Variants in NPAS3 observed in about 807,000 individuals in gnomAD.
The protein encoded by NPAS3 is neuronal PAS domain protein 3, also known as neuronal PAS domain-containing protein 3.
Under a neutral mutation model 73.1 loss-of-function variants are expected in NPAS3, and 14 were observed. The observed-to-expected ratio is 0.19, with a 90% CI of 0.13 to 0.30. The LOEUF (loss-of-function observed/expected upper bound fraction) is 0.30, where lower values mean the gene tolerates loss of function less well. NPAS3 is among the 10% of genes least tolerant of loss of function. The pLI is 1.00. For synonymous variants in NPAS3, 620 were observed against 541.5 expected, an observed-to-expected ratio of 1.14 and a Z score of -2.01; for missense variants, 1,096 against 1,250.0, an observed-to-expected ratio of 0.88 and a Z score of 1.86.
chr14:33,514,456 T>C (rs751236659), intron 4 of NPAS3, among the ~76,000 whole-genome samples: 2 of 152,020 alleles, frequency 1.3e-5, no homozygotes, highest in African/African-American at 2.4e-5. Flanking sequence ...ACCAAGACGA[T>C]TGTGATGCCC....
At position 33,054,813 on chromosome 14, in the gene NPAS3, C is replaced by T. The variant is rs544850739; in HGVS notation, c.51-1092C>T. On this transcript the variant is annotated intron_variant, in intron 1 of 11. Coordinates refer to ENST00000356141, the Ensembl canonical transcript of NPAS3. ...ATTTTTAGTAGAGATGGGGTTTCAC[C>T]GTGTTAGCCAGGATGGTCTTGATCT... is the stretch of plus-strand genomic sequence containing the variant. Among the ~76,000 whole-genome samples, 15 of 152,100 alleles carry T rather than the reference C, an allele frequency of 9.9e-5. No individual in the cohort carries two copies. In the South Asian group the frequency reaches 2.7e-3, roughly 27 times the overall value.
At chr14:33,584,412 A>G (rs576784930) in intron 5 of NPAS3, among the ~76,000 whole-genome samples, 33 of 150,272 alleles carry the variant, frequency 2.2e-4, no homozygotes, top group South Asian at 1.0e-3. Context: ...AAAAAAAAAA[A>G]GGGGGATCAA....
At chr14:33,179,519 TTTACAAATGAGGATA>T (rs1235846435) in intron 2 of NPAS3, among the ~76,000 whole-genome samples, 1 of 152,180 alleles carries the variant, frequency 6.6e-6, no homozygotes. Flanking sequence ...TTATCCTCAT[TTTACAAATGAGGATA>T]TGGAAGCTTA....
intron 4 of NPAS3, among the ~76,000 whole-genome samples, chr14:33,434,682 T>TA (rs1348313541): frequency 1.3e-5 from 2 of 152,330 alleles, no homozygotes; most frequent in African/African-American, 4.8e-5. Context: ...ACACTGTTTT[T>TA]AAAAAATGCT....
At chr14:33,249,554 T>G (rs1383947766) in intron 3 of NPAS3, among the ~76,000 whole-genome samples, 1 of 152,102 alleles carries the variant, frequency 6.6e-6, no homozygotes, top group African/African-American at 2.4e-5. Flanking sequence ...TATGCACCTC[T>G]ATTGTTTTGC....
At chr14:33,759,517 G>A (rs951404102) in intron 7 of NPAS3, among the ~76,000 whole-genome samples, 2 of 152,188 alleles carry the variant, frequency 1.3e-5, no homozygotes, top group East Asian at 1.9e-4. Flanking sequence ...ACAGTGCTAT[G>A]TATACTTTCA....
At chr14:33,286,544 T>C (rs2041881632) in intron 3 of NPAS3, among the ~76,000 whole-genome samples, 1 of 152,130 alleles carries the variant, frequency 6.6e-6, no homozygotes. Context: ...TGAATGCGGG[T>C]AGTTATCTCC....
chr14:33,533,348 AT>A (rs2054122825), intron 4 of NPAS3, among the ~76,000 whole-genome samples: 1 of 152,188 alleles, frequency 6.6e-6, no homozygotes, highest in African/African-American at 2.4e-5. Context: ...AAAGATACGA[AT>A]GGAAATGTCA....
rs151313509 is a variant in NPAS3, at chr14:32,958,765, C to T, written c.50+19399C>T. Among the ~76,000 whole-genome samples the T allele has an allele frequency of 8.1e-3, 1,235 of 152,228 alleles. 16 individuals are homozygous for T. The highest frequency in any genetic ancestry group is 0.028 in the African/African-American group (1,177 of 41,520). ...TACAATATTTAGCACATAGTACATGCTCAGTATATTATACATGAAATGAGT... is the reference window on the plus strand; with the variant it reads ...TACAATATTTAGCACATAGTACATGTTCAGTATATTATACATGAAATGAGT... On this transcript the variant is annotated intron_variant, in intron 1 of 11. Coordinates refer to ENST00000356141, the Ensembl canonical transcript of NPAS3.
rs186436872 is a variant in NPAS3, at chr14:33,555,082, T to C, written c.469-5039T>C. Among the ~76,000 whole-genome samples the C allele has an allele frequency of 9.8e-5, 15 of 152,300 alleles. 1 individual carries two copies. The highest frequency in any genetic ancestry group is 3.4e-4 in the African/African-American group (14 of 41,566). ...CCTCACTTCTTGCATGTGTACCTCA[T>C]AGACTTACTGGGATGTGACAAAGGA... On this transcript the variant is annotated intron_variant, in intron 4 of 11. Coordinates refer to ENST00000356141, the Ensembl canonical transcript of NPAS3.
chr14:33,041,010 T>C (rs879680591), intron 1 of NPAS3, among the ~76,000 whole-genome samples: 1 of 152,166 alleles, frequency 6.6e-6, no homozygotes, highest in Non-Finnish European at 1.5e-5. Context: ...TGCACTGTAC[T>C]ACGTGGCAGA....
chr14:33,507,711 C>G (rs8022191), intron 4 of NPAS3, among the ~76,000 whole-genome samples: 3,498 of 152,062 alleles, frequency 0.023, 119 homozygotes, highest in African/African-American at 0.079. Context: ...TTATCGAGTT[C>G]TGTTTGCAAA....
chr14:33,435,960 G>A (rs893887609), intron 4 of NPAS3, among the ~76,000 whole-genome samples: 1 of 152,160 alleles, frequency 6.6e-6, no homozygotes, highest in African/African-American at 2.4e-5. Flanking sequence ...TCCTAATAAA[G>A]GGCCACTGTG....
chr14:33,215,687 G>A (rs1298167594), intron 3 of NPAS3: 1 of 658,814 alleles, frequency 1.5e-6, no homozygotes, highest in African/African-American at 1.8e-5. Context: ...AAAATGAAAT[G>A]ACACATTAAA....
intron 6 of NPAS3, among the ~76,000 whole-genome samples, chr14:33,708,065 A>C (rs1276008680): frequency 1.3e-4 from 20 of 152,092 alleles, no homozygotes; most frequent in Admixed American, 1.3e-3. Flanking sequence ...CCACAAAAAA[A>C]AACACAAAAA....
intron 2 of NPAS3, among the ~76,000 whole-genome samples, chr14:33,178,502 T>G (rs995612601): frequency 2.0e-5 from 3 of 152,242 alleles, no homozygotes; most frequent in Admixed American, 1.3e-4. Context: ...TGAATTTGAC[T>G]TCTTTCAGCA....
At chr14:33,596,099 G>C (rs1467229646) in intron 5 of NPAS3, among the ~76,000 whole-genome samples, 1 of 152,210 alleles carries the variant, frequency 6.6e-6, no homozygotes, top group Non-Finnish European at 1.5e-5. Context: ...AAGTGTACGT[G>C]AAATCAACTG....
At position 33,501,630 on chromosome 14, in the gene NPAS3, GT is replaced by G. The variant is rs537009195; in HGVS notation, c.469-58477del. ...AGTCTCCCTTCTAGAATCTGGATTT[GT>G]TTTTTTTTTTTTTACCTTCAAAAAC... On this transcript the variant is annotated intron_variant, in intron 4 of 11. Transcript: ENST00000356141. Among the ~76,000 whole-genome samples, 395 of 138,408 alleles carry G rather than the reference GT, an allele frequency of 2.9e-3. 3 individuals carry two copies. Among genetic ancestry groups the G allele is most frequent in the African/African-American group, 4.1e-3 (156 of 37,780 alleles). The allele number at this position is 138,408 out of a possible 152,430, so 90.8% of individuals were successfully genotyped here.
At chr14:33,279,077 C>T (rs1007675432) in intron 3 of NPAS3, among the ~76,000 whole-genome samples, 1 of 152,218 alleles carries the variant, frequency 6.6e-6, no homozygotes, top group African/African-American at 2.4e-5. Flanking sequence ...ACCTGGAGAG[C>T]TTATTAAACA....
Sources: gnomAD v4.1 joint callset for allele counts (sites outside exome capture counted in the v4.1 genomes callset) on GRCh38, gnomAD v4.1.1 for gene constraint, MANE v1.5 for transcripts, NCBI Gene and HGNC (gene_info 2026-07-23, HGNC 2026-07-21) for gene names.